NRG3: variants seen among roughly 807,000 people sequenced by gnomAD.
The protein encoded by NRG3 is pro-neuregulin-3, membrane-bound isoform.
A neutral mutation model predicts 66.9 loss-of-function variants in NRG3; 31 were observed. The ratio of observed to expected loss-of-function variants is 0.46; its 90% CI spans 0.35 to 0.63. The LOEUF is 0.63. Among genes scored for constraint, NRG3 ranks in the 20% least tolerant of loss-of-function variants. NRG3 has a pLI of 0.00. For synonymous variants in NRG3, 393 were observed against 359.4 expected (o/e 1.09, Z -1.06); for missense variants, 910 against 878.9 (o/e 1.04, Z -0.45).
At position 81,947,602 on chromosome 10, in the gene NRG3, C is replaced by A. The variant is rs182517921; in HGVS notation, c.823+71439C>A. 2.2e-3 allele frequency among the ~76,000 whole-genome samples: 337 copies of A among 151,994 alleles called. 1 individual carries two copies. The highest frequency in any genetic ancestry group is 0.01 in the Middle Eastern group (3 of 294). ...TGCTATCTAATTTGACCCGAAAGCC[C>A]CAGAGTAGGCATGTTCTATGAGTAT... On this transcript the variant is annotated intron_variant, in intron 1 of 8. Coordinates refer to ENST00000372141, the MANE Select transcript of NRG3 (RefSeq NM_001010848.4).
chr10:81,932,961 T>G (rs1013643084), intron 1 of NRG3, among the ~76,000 whole-genome samples: 2 of 151,896 alleles, frequency 1.3e-5, no homozygotes, highest in Non-Finnish European at 2.9e-5. Context: ...ACAAGAAAGT[T>G]AGCCAGGCGT....
intron 1 of NRG3, among the ~76,000 whole-genome samples, chr10:82,182,860 C>T (rs1420259330): frequency 6.6e-6 from 1 of 151,926 alleles, no homozygotes; most frequent in Non-Finnish European, 1.5e-5. Flanking sequence ...TGAGAAAGTA[C>T]ATACCTTCAT....
At chr10:82,172,139 G>T (rs1357876325) in intron 1 of NRG3, among the ~76,000 whole-genome samples, 11 of 152,098 alleles carry the variant, frequency 7.2e-5, no homozygotes, top group Non-Finnish European at 1.3e-4. Context: ...TTGAGGAAGT[G>T]AGACTCAAGC....
chr10:82,023,242 A>T (rs1486860704), intron 1 of NRG3, among the ~76,000 whole-genome samples: 2 of 151,936 alleles, frequency 1.3e-5, no homozygotes, highest in Non-Finnish European at 2.9e-5. Context: ...TTCATTTATC[A>T]GTTCTGCTAG....
chr10:81,881,669 AG>A (rs1459974964), intron 1 of NRG3, among the ~76,000 whole-genome samples: 1 of 152,242 alleles, frequency 6.6e-6, no homozygotes, highest in Non-Finnish European at 1.5e-5. Flanking sequence ...AGTTTGTAAA[AG>A]TAATGGTTCA....
intron 1 of NRG3, among the ~76,000 whole-genome samples, chr10:82,113,030 A>G (rs1044039799): frequency 3.9e-5 from 6 of 152,154 alleles, no homozygotes; most frequent in Non-Finnish European, 7.3e-5. Flanking sequence ...GAAACAAATC[A>G]TTTCTTGATT....
chr10:82,064,636 C>T (rs767167531), intron 1 of NRG3, among the ~76,000 whole-genome samples: 1 of 152,046 alleles, frequency 6.6e-6, no homozygotes, highest in Non-Finnish European at 1.5e-5. Context: ...GATGAGATGG[C>T]CTGATGCACA....
intron 2 of NRG3, among the ~76,000 whole-genome samples, chr10:82,616,137 A>G (rs1028117766): frequency 3.9e-5 from 6 of 152,206 alleles, no homozygotes; most frequent in African/African-American, 1.4e-4. Context: ...TTAAAAATGC[A>G]TTTTAATTGC....
chr10:82,552,222 T>C (rs1236022670), intron 2 of NRG3, among the ~76,000 whole-genome samples: 1 of 152,178 alleles, frequency 6.6e-6, no homozygotes, highest in Non-Finnish European at 1.5e-5. Flanking sequence ...TCTCATCTCC[T>C]ATTTAGTTAC....
chr10:82,603,888 A>C (rs2047794766), intron 2 of NRG3, among the ~76,000 whole-genome samples: 1 of 152,196 alleles, frequency 6.6e-6, no homozygotes, highest in Non-Finnish European at 1.5e-5. Flanking sequence ...ATATTTAAAA[A>C]ATAATAGCCT....
chr10:82,442,657 C>G (rs933435713), intron 2 of NRG3, among the ~76,000 whole-genome samples: 5 of 151,654 alleles, frequency 3.3e-5, no homozygotes, highest in African/African-American at 4.8e-5. Context: ...TCAGTGTTAC[C>G]TATGGAAAGA....
At chr10:82,239,587 C>A (rs1444895148) in intron 1 of NRG3, among the ~76,000 whole-genome samples, 1 of 152,094 alleles carries the variant, frequency 6.6e-6, no homozygotes, top group Non-Finnish European at 1.5e-5. Flanking sequence ...CTTTGTTTAC[C>A]TATTAGCATT....
At chr10:82,266,575 G>A (rs2078310426) in intron 1 of NRG3, among the ~76,000 whole-genome samples, 1 of 152,144 alleles carries the variant, frequency 6.6e-6, no homozygotes, top group Non-Finnish European at 1.5e-5. Context: ...GTTCAACTAT[G>A]TCTCATTACT....
intron 1 of NRG3, among the ~76,000 whole-genome samples, chr10:81,975,049 C>T (rs945344277): frequency 4.7e-5 from 7 of 149,930 alleles, no homozygotes; most frequent in Admixed American, 6.7e-5. Context: ...CATTGGAGCA[C>T]GGTCTTGTGG....
chr10:82,380,103 C>A (rs2085513193), intron 2 of NRG3, among the ~76,000 whole-genome samples: 1 of 151,780 alleles, frequency 6.6e-6, no homozygotes, highest in African/African-American at 2.4e-5. Flanking sequence ...ACCCTCAGTT[C>A]TTTTTTTATG....
At chr10:82,733,380 A>AT (rs891884802) in intron 2 of NRG3, among the ~76,000 whole-genome samples, 4 of 152,034 alleles carry the variant, frequency 2.6e-5, no homozygotes, top group African/African-American at 7.2e-5. Flanking sequence ...ATACCATCTC[A>AT]TTTTTTTGGG....
At chr10:82,094,664 A>T (rs779362010) in intron 1 of NRG3, among the ~76,000 whole-genome samples, 4 of 152,214 alleles carry the variant, frequency 2.6e-5, no homozygotes, top group Non-Finnish European at 5.9e-5. Flanking sequence ...GGCGAGATAT[A>T]TATATCACAT....
intron 3 of NRG3, among the ~76,000 whole-genome samples, chr10:82,861,749 C>A (rs1281629949): frequency 6.6e-6 from 1 of 152,150 alleles, no homozygotes; most frequent in African/African-American, 2.4e-5. Flanking sequence ...CAGGCTGTAT[C>A]TAAAGACTTT....
At chr10:82,470,464 T>G (rs548271344) in intron 2 of NRG3, among the ~76,000 whole-genome samples, 1 of 152,320 alleles carries the variant, frequency 6.6e-6, no homozygotes, top group African/African-American at 2.4e-5. Context: ...GAACGATAAT[T>G]ATTTAACAGT....
Sources: allele counts gnomAD v4.1 joint callset (sites outside exome capture counted in the v4.1 genomes callset), GRCh38; gene constraint gnomAD v4.1.1; transcripts MANE v1.5; gene names NCBI Gene and HGNC (gene_info 2026-07-23, HGNC 2026-07-21).